KAZN: variants seen among roughly 807,000 people sequenced by gnomAD.
KAZN encodes kazrin, periplakin interacting protein.
Under a neutral mutation model 87.4 loss-of-function variants are expected in KAZN, and 40 were observed. The observed-to-expected ratio is 0.46, with a 90% CI of 0.36 to 0.60. The LOEUF (loss-of-function observed/expected upper bound fraction) is 0.60, where lower values mean the gene tolerates loss of function less well. Ranked by LOEUF, KAZN falls within the 20% of genes least tolerant of loss-of-function variation. KAZN has a pLI of 0.00. For synonymous variants in KAZN, 466 were observed against 458.3 expected, an observed-to-expected ratio of 1.02 and a Z score of -0.22; for missense variants, 898 against 1,073.9, an observed-to-expected ratio of 0.84 and a Z score of 2.29.
intron 1 of KAZN, among the ~76,000 whole-genome samples, chr1:14,815,480 G>A (rs16850884): frequency 0.013 from 1,935 of 152,214 alleles, 41 homozygotes; most frequent in African/African-American, 0.044. Flanking sequence ...TCTGAAATCC[G>A]TCCTGTTGTG....
intron 1 of KAZN, among the ~76,000 whole-genome samples, chr1:14,831,422 G>A (rs1269993609): frequency 6.6e-6 from 1 of 152,080 alleles, no homozygotes; most frequent in African/African-American, 2.4e-5. Context: ...TCCCTGACCT[G>A]GCAGAGCCCA....
intron 2 of KAZN, among the ~76,000 whole-genome samples, chr1:14,418,358 G>A (rs1665010552): frequency 6.6e-6 from 1 of 152,168 alleles, no homozygotes; most frequent in African/African-American, 2.4e-5. Flanking sequence ...ATCAGTAAAG[G>A]AGATAATATG....
At chr1:14,789,302 A>C (rs948266066) in intron 1 of KAZN, among the ~76,000 whole-genome samples, 3 of 152,168 alleles carry the variant, frequency 2.0e-5, no homozygotes, top group African/African-American at 7.2e-5. Context: ...ACATGTGATT[A>C]AGTCACTGTC....
intron 1 of KAZN, among the ~76,000 whole-genome samples, chr1:14,073,194 T>C (rs1430105643): frequency 6.6e-6 from 1 of 152,110 alleles, no homozygotes; most frequent in Non-Finnish European, 1.5e-5. Flanking sequence ...CTTTCTGAAA[T>C]CTGAGAACCC....
chr1:14,532,382 AC>A (rs1672253176), intron 2 of KAZN, among the ~76,000 whole-genome samples: 1 of 152,092 alleles, frequency 6.6e-6, no homozygotes. Context: ...CATTCCGGAG[AC>A]TTGCTGCCTT....
chr1:14,552,591 A>AG (rs553061862), intron 2 of KAZN, among the ~76,000 whole-genome samples: 104 of 152,308 alleles, frequency 6.8e-4, no homozygotes, highest in African/African-American at 2.5e-3. Context: ...TCAAAGGAGA[A>AG]GGGGTTCTCT....
At position 14,970,065 on chromosome 1, in the gene KAZN, C is replaced by T. The variant is rs140465834; in HGVS notation, c.418+9190C>T. Among the ~76,000 whole-genome samples, 1,318 of 152,296 alleles carry T rather than the reference C, an allele frequency of 8.7e-3. 5 individuals carry two copies. Among genetic ancestry groups the T allele is most frequent in the Non-Finnish European group, 0.014 (941 of 68,020 alleles). On this transcript the variant is annotated intron_variant, in intron 2 of 14. Transcript: ENST00000376030. ...CTGACTTCAAGTGATTCACCTGCCTCGGCCTCCCAAAGTGCTGGGATTATA... is the reference window on the plus strand; with the variant it reads ...CTGACTTCAAGTGATTCACCTGCCTTGGCCTCCCAAAGTGCTGGGATTATA...
At chr1:14,265,648 C>G (rs192517059) in intron 2 of KAZN, among the ~76,000 whole-genome samples, 1 of 152,246 alleles carries the variant, frequency 6.6e-6, no homozygotes, top group African/African-American at 2.4e-5. Flanking sequence ...GAAATCGAAC[C>G]CTCAGTGTGG....
chr1:14,801,850 A>ATT (rs147930942), intron 1 of KAZN, among the ~76,000 whole-genome samples: 1 of 151,222 alleles, frequency 6.6e-6, no homozygotes, highest in African/African-American at 2.4e-5. Flanking sequence ...CGCCCAGCTA[A>ATT]TTTTTTTGTA....
At chr1:13,904,081 A>T (rs1639349776) in intron 1 of KAZN, among the ~76,000 whole-genome samples, 2 of 152,168 alleles carry the variant, frequency 1.3e-5, no homozygotes, top group Non-Finnish European at 2.9e-5. Context: ...CAGGGTCTAC[A>T]ATGTCATCAG....
In KAZN at chr1:14,559,187, G is replaced by T. The variant is rs560519893; in HGVS notation, c.250-39796G>T. Among the ~76,000 whole-genome samples, 4 of 152,296 alleles carry T rather than the reference G, an allele frequency of 2.6e-5. No individual in the cohort carries two copies. In the South Asian group the frequency reaches 8.3e-4, roughly 32 times the overall value. On this transcript the variant is annotated intron_variant, in intron 2 of 16. Transcript: ENST00000636203. The stretch of plus-strand genomic sequence containing the variant: ...ATCAACTGAGCTGAGCCTTGGGGGA[G>T]GGTAGCAGGATACTGCATGTGTAGA...
intron 1 of KAZN, among the ~76,000 whole-genome samples, chr1:14,884,182 G>A (rs544435439): frequency 4.6e-5 from 7 of 152,078 alleles, no homozygotes; most frequent in South Asian, 2.1e-4. Context: ...TCACGAGGCC[G>A]GGTGATCGAG....
chr1:15,050,093 CAGTAGAGTAG>C (rs200055561), intron 4 of KAZN, among the ~76,000 whole-genome samples: 1 of 100,276 alleles, frequency 1.0e-5, no homozygotes, highest in Non-Finnish European at 2.0e-5. Context: ...CAGTAGAGTA[CAGTAGAGTAG>C]AGTAGAGTAG....
chr1:14,722,411 T>C (rs997722039), intron 1 of KAZN, among the ~76,000 whole-genome samples: 1 of 152,202 alleles, frequency 6.6e-6, no homozygotes, highest in African/African-American at 2.4e-5. Context: ...CTAATTAACA[T>C]AAAAAATTCA....
At position 14,770,175 on chromosome 1, in the gene KAZN, A is replaced by G. The variant is rs192329385; in HGVS notation, c.226+170952A>G. 6.5e-3 allele frequency among the ~76,000 whole-genome samples: 990 copies of G among 152,296 alleles called. 9 individuals are homozygous for G. Among genetic ancestry groups the G allele is most frequent in the South Asian group, 0.042 (201 of 4,818 alleles). Reference sequence around the variant, plus strand: ...ATGGTGAAAGTTTGGACTTCAGCCTAAGGAAAAGAGAAAGCCATAGAAGGT... The same window carrying G: ...ATGGTGAAAGTTTGGACTTCAGCCTGAGGAAAAGAGAAAGCCATAGAAGGT... On this transcript the variant is annotated intron_variant, in intron 1 of 14. Coordinates refer to ENST00000376030, the MANE Select transcript of KAZN (RefSeq NM_201628.3).
At chr1:14,785,005 A>C (rs1284248486) in intron 1 of KAZN, among the ~76,000 whole-genome samples, 1 of 150,134 alleles carries the variant, frequency 6.7e-6, no homozygotes, top group Middle Eastern at 3.2e-3. Context: ...AAAATGAGAT[A>C]ATGCCTCGGG....
intron 1 of KAZN, among the ~76,000 whole-genome samples, chr1:13,927,741 T>A (rs1270774124): frequency 6.6e-6 from 1 of 152,188 alleles, no homozygotes; most frequent in East Asian, 1.9e-4. Context: ...AGATCCATAT[T>A]CTGATATTTA....
intron 1 of KAZN, among the ~76,000 whole-genome samples, chr1:14,781,863 C>A (rs962447882): frequency 6.6e-6 from 1 of 152,078 alleles, no homozygotes; most frequent in Non-Finnish European, 1.5e-5. Context: ...GAATTCAGCC[C>A]CCAATCATAA....
intron 1 of KAZN, among the ~76,000 whole-genome samples, chr1:14,080,479 G>A (rs537553242): frequency 1.5e-5 from 2 of 136,748 alleles, no homozygotes; most frequent in East Asian, 4.2e-4. Context: ...GGCAGAAAAG[G>A]GGGTGGGTAG....
Sources: gnomAD v4.1 joint callset for allele counts (sites outside exome capture counted in the v4.1 genomes callset) on GRCh38, gnomAD v4.1.1 for gene constraint, MANE v1.5 for transcripts, NCBI Gene and HGNC (gene_info 2026-07-23, HGNC 2026-07-21) for gene names.